The following THSD7A variants were observed in gnomAD, a reference collection of about 807,000 sequenced individuals.
THSD7A encodes the protein thrombospondin type 1 domain containing 7A.
THSD7A carries 96 observed loss-of-function variants against 231.3 expected under a neutral mutation model. The observed-to-expected ratio is 0.41, with a 90% CI of 0.35 to 0.49. THSD7A has a LOEUF of 0.49. THSD7A is among the 20% of genes least tolerant of loss of function. The pLI, the probability that THSD7A is intolerant of heterozygous loss-of-function variation, is 0.05. For missense variants in THSD7A, 2,290 were observed against 2,070.2 expected (o/e 1.11, Z -2.06); for synonymous variants, 940 against 743.3 (o/e 1.26, Z -4.30).
At chr7:11,812,467 A>G (rs1042988499) in intron 1 of THSD7A, among the ~76,000 whole-genome samples, 1 of 152,190 alleles carries the variant, frequency 6.6e-6, no homozygotes, top group Admixed American at 6.5e-5. Flanking sequence ...TTTAGATAAA[A>G]TACGTTATCA....
intron 2 of THSD7A, among the ~76,000 whole-genome samples, chr7:11,620,658 G>T (rs1262381796): frequency 6.6e-6 from 1 of 152,148 alleles, no homozygotes. Context: ...AGGGGAATCA[G>T]AAAGACACTT....
At chr7:11,654,021 A>G (rs1034002307) in intron 1 of THSD7A, among the ~76,000 whole-genome samples, 3 of 151,924 alleles carry the variant, frequency 2.0e-5, no homozygotes, top group Non-Finnish European at 4.4e-5. Context: ...CATTGAGGAG[A>G]AGAAGAAGCA....
At chr7:11,620,436 G>C (rs948404264) in intron 2 of THSD7A, among the ~76,000 whole-genome samples, 5 of 152,074 alleles carry the variant, frequency 3.3e-5, no homozygotes, top group Non-Finnish European at 2.9e-5. Context: ...GGGATTACAA[G>C]TATAAAGACA....
chr7:11,775,222 A>G (rs1783362576), intron 1 of THSD7A, among the ~76,000 whole-genome samples: 1 of 152,214 alleles, frequency 6.6e-6, no homozygotes, highest in African/African-American at 2.4e-5. Flanking sequence ...ATGTGAGGAA[A>G]TTGGAACCCT....
At chr7:11,457,463 C>T (rs747069247) in intron 11 of THSD7A, among the ~76,000 whole-genome samples, 10 of 151,914 alleles carry the variant, frequency 6.6e-5, no homozygotes, top group Non-Finnish European at 1.3e-4. Flanking sequence ...TATCGTATGT[C>T]CACAATTTAT....
intron 1 of THSD7A, among the ~76,000 whole-genome samples, chr7:11,802,428 T>C (rs1784301639): frequency 6.6e-6 from 1 of 152,142 alleles, no homozygotes; most frequent in African/African-American, 2.4e-5. Context: ...ACTGCAGACC[T>C]GAGATTTTGA....
intron 1 of THSD7A, among the ~76,000 whole-genome samples, chr7:11,734,375 A>G (rs1233529277): frequency 6.6e-6 from 1 of 151,982 alleles, no homozygotes; most frequent in Non-Finnish European, 1.5e-5. Context: ...ACAAAATTAA[A>G]TATGTCCATA....
In THSD7A at chr7:11,590,784, A is replaced by G; in HGVS notation, c.1272-143T>C. On this transcript the variant is annotated intron_variant, in intron 3 of 27. Coordinates refer to ENST00000423059, the MANE Select transcript of THSD7A (RefSeq NM_015204.3). This position sits in a 1 kb window ranked among gnomAD's most constrained non-coding sequence, Gnocchi z 4.4. ...ATCGTAGACTACATCTATGGTGCATATTTGGTTTCAACTCCTTTATGCTCT... is the reference window on the plus strand; with the variant it reads ...ATCGTAGACTACATCTATGGTGCATGTTTGGTTTCAACTCCTTTATGCTCT... 1 of 990,264 alleles carries G rather than the reference A, an allele frequency of 1.0e-6. No homozygotes were observed. Among genetic ancestry groups the G allele is most frequent in the Admixed American group, 3.2e-5 (1 of 31,328 alleles). 61.3% of individuals were successfully genotyped at this position (990,264 alleles called of 1,614,324 possible).
intron 1 of THSD7A, among the ~76,000 whole-genome samples, chr7:11,735,093 A>G (rs1158454383): frequency 6.6e-6 from 1 of 151,930 alleles, no homozygotes; most frequent in Non-Finnish European, 1.5e-5. Context: ...CTAGTTGATT[A>G]TATCACATAT....
At chr7:11,496,458 C>G (rs930287051) in intron 6 of THSD7A, among the ~76,000 whole-genome samples, 1 of 152,074 alleles carries the variant, frequency 6.6e-6, no homozygotes, top group African/African-American at 2.4e-5. Flanking sequence ...CCCAAGGTTA[C>G]ACAAGTTGAT....
intron 1 of THSD7A, among the ~76,000 whole-genome samples, chr7:11,764,304 G>T (rs771442672): frequency 6.6e-6 from 1 of 152,092 alleles, no homozygotes; most frequent in Non-Finnish European, 1.5e-5. Flanking sequence ...AGTAAAGACC[G>T]GGCATGGTGG....
chr7:11,441,494 G>A (rs1413437075), intron 13 of THSD7A, among the ~76,000 whole-genome samples: 1 of 151,986 alleles, frequency 6.6e-6, no homozygotes, highest in Non-Finnish European at 1.5e-5. Flanking sequence ...CCTTTGTTTT[G>A]TAACATTTTG....
chr7:11,586,724 A>C (rs1476699973), intron 4 of THSD7A, among the ~76,000 whole-genome samples: 2 of 152,080 alleles, frequency 1.3e-5, no homozygotes, highest in African/African-American at 4.8e-5. Flanking sequence ...TGGTGTGACT[A>C]TTTTATTTTC....
chr7:11,421,704 T>C (rs1046268246), intron 16 of THSD7A, among the ~76,000 whole-genome samples: 1 of 152,164 alleles, frequency 6.6e-6, no homozygotes, highest in African/African-American at 2.4e-5. Flanking sequence ...TTTTACAAAA[T>C]GGAAGCAAAC....
chr7:11,589,776 C>T (rs920493463), intron 4 of THSD7A, among the ~76,000 whole-genome samples: 1 of 152,124 alleles, frequency 6.6e-6, no homozygotes, highest in African/African-American at 2.4e-5. Flanking sequence ...ATTCAATATA[C>T]ACTTAATCAA....
chr7:11,568,656 C>CAAAAAAAAAAAAAAAAAAAAAAAAAAAA (rs1562728058), intron 4 of THSD7A, among the ~76,000 whole-genome samples: 1 of 88,622 alleles, frequency 1.1e-5, no homozygotes, highest in Non-Finnish European at 2.2e-5. Context: ...AAAAAAAAAC[C>CAAAAAAAAAAAAAAAAAAAAAAAAAAAA]AAAATCTGGA....
chr7:11,494,384 A>G (rs1015401794), intron 6 of THSD7A, among the ~76,000 whole-genome samples: 1 of 152,068 alleles, frequency 6.6e-6, no homozygotes, highest in African/African-American at 2.4e-5. Flanking sequence ...AACAAGGACC[A>G]CAAAAATCCC....
chr7:11,521,238 C>T (rs1788249248), intron 6 of THSD7A, among the ~76,000 whole-genome samples: 1 of 152,062 alleles, frequency 6.6e-6, no homozygotes, highest in Non-Finnish European at 1.5e-5. Context: ...ATTAGAAGTA[C>T]TTCCTTCTGA....
intron 23 of THSD7A, among the ~76,000 whole-genome samples, chr7:11,401,050 A>ATC (rs1783385611): frequency 6.6e-6 from 1 of 152,190 alleles, no homozygotes; most frequent in Non-Finnish European, 1.5e-5. Flanking sequence ...GTTTATATAT[A>ATC]TTCTAAGTAA....
Sources: gnomAD v4.1 joint callset for allele counts (sites outside exome capture counted in the v4.1 genomes callset) on GRCh38, gnomAD v4.1.1 for gene constraint, Gnocchi (gnomAD v3.1) non-coding constraint, MANE v1.5 for transcripts, NCBI Gene and HGNC (gene_info 2026-07-23, HGNC 2026-07-21) for gene names.